RSF1: variants seen among roughly 807,000 people sequenced by gnomAD.
RSF1 encodes the protein remodeling and spacing factor 1.
Under a neutral mutation model 145.2 loss-of-function variants are expected in RSF1, and 13 were observed. The ratio of observed to expected loss-of-function variants is 0.09; its 90% confidence interval spans 0.06 to 0.14. The LOEUF (loss-of-function observed/expected upper bound fraction) is 0.14. RSF1 is among the 10% of genes least tolerant of loss of function. RSF1 has a pLI of 1.00. For synonymous variants in RSF1, 577 were observed against 592.6 expected (o/e 0.97, Z 0.38); for missense variants, 1,517 against 1,718.2 (o/e 0.88, Z 2.07).
the RSF1 span, among the ~76,000 whole-genome samples, chr11:77,853,541 C>T: frequency 1.3e-5 from 2 of 152,142 alleles, no homozygotes; most frequent in Non-Finnish European, 2.9e-5. Flanking sequence ...GGCCCCTTCT[C>T]CAACACTGGG....
chr11:77,692,659 A>G (rs901002939), intron 8 of RSF1, among the ~76,000 whole-genome samples: 1 of 144,360 alleles, frequency 6.9e-6, no homozygotes, highest in Middle Eastern at 3.7e-3. Context: ...GACTATACCT[A>G]TGTGCCACCA....
At chr11:77,818,534 A>G (rs1948803716) in intron 1 of RSF1, among the ~76,000 whole-genome samples, 1 of 152,182 alleles carries the variant, frequency 6.6e-6, no homozygotes, top group Non-Finnish European at 1.5e-5. Context: ...CCTGTAAAGC[A>G]CTTTGGGAGG....
rs904087656 is a variant in RSF1, at chr11:77,759,218, A to G, written c.279+5380T>C. On this transcript the variant is annotated intron_variant, in intron 2 of 15. Coordinates refer to ENST00000308488, the MANE Select transcript of RSF1 (RefSeq NM_016578.4). ...TAGGCAACAGTCAAAAGATATTTGTAAAATACCACAAACCAGGTGCAGTGG... is the reference window on the plus strand; with the variant it reads ...TAGGCAACAGTCAAAAGATATTTGTGAAATACCACAAACCAGGTGCAGTGG... Among the ~76,000 whole-genome samples, 15 of 152,352 alleles carry G rather than the reference A, an allele frequency of 9.8e-5. No homozygotes were observed. The East Asian group carries it at 2.9e-3, about 29-fold the overall frequency.
chr11:77,845,357 C>A, the RSF1 span, among the ~76,000 whole-genome samples: 1 of 152,006 alleles, frequency 6.6e-6, no homozygotes, highest in East Asian at 1.9e-4. Context: ...TGATTCTTAT[C>A]TGCTGTTGAG....
chr11:77,792,930 C>T (rs1051389064), intron 1 of RSF1, among the ~76,000 whole-genome samples: 1 of 152,036 alleles, frequency 6.6e-6, no homozygotes, highest in Non-Finnish European at 1.5e-5. Flanking sequence ...ATGATATTTA[C>T]CATTGTGAAA....
rs986154816 is a variant in RSF1, at chr11:77,808,659, G to A, written c.187+11869C>T. Among the ~76,000 whole-genome samples, 13 of 117,578 alleles carry A rather than the reference G, an allele frequency of 1.1e-4. 1 individual carries two copies. The highest frequency in any genetic ancestry group is 1.5e-4 in the Non-Finnish European group (9 of 61,212). 77.1% of individuals were successfully genotyped at this position (117,578 alleles called of 152,430 possible). A position where few individuals can be genotyped will look rare whatever the true frequency, so the allele number is the denominator to read the frequency against. On this transcript the variant is annotated intron_variant, in intron 1 of 15. Coordinates refer to ENST00000308488, the MANE Select transcript of RSF1 (RefSeq NM_016578.4). ...CGCCATTCTCCTGCCTCAGCCTCCC[G>A]AGTAGCTGGGACTACAGGCGCCCGC...
chr11:77,774,930 A>G (rs1019078407), intron 1 of RSF1, among the ~76,000 whole-genome samples: 2 of 150,018 alleles, frequency 1.3e-5, no homozygotes, highest in Non-Finnish European at 3.0e-5. Flanking sequence ...CCATGCCAGT[A>G]TAATTTTTTG....
chr11:77,747,236 G>A, intron 2 of RSF1, 108 bp from the exon 3 acceptor site: 3 of 667,482 alleles, frequency 4.5e-6, no homozygotes, highest in South Asian at 3.6e-5. Flanking sequence ...AAGGAAAGAG[G>A]TTACACTAAA....
intron 5 of RSF1, among the ~76,000 whole-genome samples, chr11:77,712,202 G>C (rs187065649): frequency 6.6e-6 from 1 of 152,170 alleles, no homozygotes; most frequent in Non-Finnish European, 1.5e-5. Flanking sequence ...TCACGGGGGT[G>C]GTTCCCCCAT....
the RSF1 span, among the ~76,000 whole-genome samples, chr11:77,848,729 G>A: frequency 3.3e-5 from 5 of 152,138 alleles, no homozygotes; most frequent in African/African-American, 1.2e-4. Flanking sequence ...AGCTATAAAC[G>A]TGTGAAAGCA....
At chr11:77,668,149 G>A (rs914977586) in intron 15 of RSF1, among the ~76,000 whole-genome samples, 2 of 151,800 alleles carry the variant, frequency 1.3e-5, no homozygotes. Context: ...AGGTGTGTGT[G>A]CCGCCACACC....
chr11:77,726,598 TA>T (rs1590852488), intron 4 of RSF1, among the ~76,000 whole-genome samples: 1 of 152,208 alleles, frequency 6.6e-6, no homozygotes, highest in South Asian at 2.1e-4. Context: ...AGACAGTGCA[TA>T]ATGCTGAAGA....
chr11:77,748,819 C>T (rs377492643), intron 2 of RSF1, among the ~76,000 whole-genome samples: 13 of 152,238 alleles, frequency 8.5e-5, no homozygotes, highest in African/African-American at 3.1e-4. Flanking sequence ...TAAGTATTTA[C>T]ACAAGAAAGA....
chr11:77,864,265 T>C, the RSF1 span, among the ~76,000 whole-genome samples: 1 of 151,922 alleles, frequency 6.6e-6, no homozygotes, highest in East Asian at 2.0e-4. Flanking sequence ...ATGATTATTC[T>C]TGGGCCCATC....
In RSF1 at chr11:77,691,167, G is replaced by T. The variant is rs139840785; in HGVS notation, c.2892C>A (p.Ala964=). 10 of 1,613,692 alleles carry T rather than the reference G, an allele frequency of 6.2e-6. No homozygotes were observed. The East Asian group carries it at 6.7e-5, about 11-fold the overall frequency. The part of the protein sequence containing the change: ...LDVALKKKER[A]ERRKERLVYV... ...CACACATATAAAAATACCTTCGTTC[G>T]GCACGCTCTTTCTTCTTTAAGGCAA... The change falls in exon 9 of 16, where the codon GCC becomes GCA. Residue 964 remains alanine (A), a synonymous_variant. Transcript: ENST00000308488.
At chr11:77,680,990 T>TA (rs1191858631) in intron 11 of RSF1, among the ~76,000 whole-genome samples, 1 of 152,216 alleles carries the variant, frequency 6.6e-6, no homozygotes, top group Non-Finnish European at 1.5e-5. Context: ...ATTTGTTCGC[T>TA]AAAATCAAAG....
chr11:77,675,198 G>A lies in RSF1; in HGVS notation c.3400C>T (p.Pro1134Ser). The A allele has an allele frequency of 6.2e-7, 1 of 1,614,066 alleles. No homozygotes were observed. Among genetic ancestry groups the A allele is most frequent in the East Asian group, 2.2e-5 (1 of 44,874 alleles). ...TCAGTGTCACTGTCATCATTAGATGGCGGATCTTCTTCACTTTCATCTGGG... is the reference window on the plus strand; with the variant it reads ...TCAGTGTCACTGTCATCATTAGATGACGGATCTTCTTCACTTTCATCTGGG... ...ENPDESEEDP[P>S]SNDDSDTDFC... The change falls in exon 14 of 16, where the codon CCA becomes TCA. Residue 1134 changes from proline (P) to serine (S), a missense_variant. Transcript: ENST00000308488.
chr11:77,704,437 C>A (rs1484467334), intron 5 of RSF1, among the ~76,000 whole-genome samples: 1 of 152,192 alleles, frequency 6.6e-6, no homozygotes, highest in Admixed American at 6.5e-5. Flanking sequence ...TTCATCATGA[C>A]CCTGATCCAA....
intron 1 of RSF1, among the ~76,000 whole-genome samples, chr11:77,773,904 A>C (rs1252601800): frequency 6.6e-6 from 1 of 152,234 alleles, no homozygotes; most frequent in Non-Finnish European, 1.5e-5. Flanking sequence ...AATTGCTTAG[A>C]TTTCTGGCCA....
Sources: allele counts gnomAD v4.1 joint callset (sites outside exome capture counted in the v4.1 genomes callset), GRCh38; gene constraint gnomAD v4.1.1; transcripts MANE v1.5; gene names NCBI Gene and HGNC (gene_info 2026-07-23, HGNC 2026-07-21).